Variants in CCDC93 observed in about 807,000 individuals in gnomAD.
CCDC93 encodes CCC complex scaffolding subunit CCDC93.
In CCDC93, 61 loss-of-function variants were observed where a neutral mutation model predicts 108.2. The observed-to-expected ratio is 0.56, with a 90% confidence interval of 0.46 to 0.70. The LOEUF (loss-of-function observed/expected upper bound fraction) is 0.70. Ranked by LOEUF, CCDC93 falls within the 30% of genes least tolerant of loss-of-function variation. The pLI is 0.00. For synonymous variants in CCDC93, 276 were observed against 260.4 expected (o/e 1.06, Z -0.58); for missense variants, 685 against 764.2 (o/e 0.90, Z 1.22).
chr2:117,945,533 T>C lies in CCDC93; in HGVS notation c.1346A>G (p.His449Arg), dbSNP rs1214780614. ...PPGTLTSAMTHDEDLDRRYNM... is the reference protein window; with the variant it reads ...PPGTLTSAMTRDEDLDRRYNM... ...CCTGAGCAGGCAGGTACTTACGTCA[T>C]GAGTCATTGCAGAGGTCAAGGTACC... The change falls in exon 17 of 24, where the codon CAT becomes CGT. Residue 449 changes from histidine (H) to arginine (R), a missense_variant. His to Arg is a conservative substitution (Grantham distance 29). Transcript: ENST00000376300. The C allele has an allele frequency of 5.0e-6, 8 of 1,613,764 alleles. No homozygotes were observed. Among genetic ancestry groups the C allele is most frequent in the Non-Finnish European group, 5.9e-6 (7 of 1,179,718 alleles).
intron 4 of CCDC93, chr2:117,996,621 T>C (rs1680659765): frequency 6.3e-6 from 2 of 315,332 alleles, no homozygotes; most frequent in African/African-American, 2.1e-5. Flanking sequence ...GCCTCAGTTT[T>C]CCTTTCTGTA....
rs1045663567 is a variant in CCDC93, at chr2:117,963,555, T to A, written c.889-5074A>T. On this transcript the variant is annotated intron_variant, in intron 11 of 23. Transcript: ENST00000376300. ...ACATGAATGCTCTTTTCAATATTTT[T>A]AAAACCCACTAATGAAATTCCATGA... 8.5e-5 allele frequency among the ~76,000 whole-genome samples: 13 copies of A among 152,336 alleles called. No individual in the cohort carries two copies. The South Asian group carries it at 2.1e-3, about 24-fold the overall frequency.
chr2:118,009,929 T>C (rs1172100878), intron 1 of CCDC93, among the ~76,000 whole-genome samples: 1 of 152,094 alleles, frequency 6.6e-6, no homozygotes, highest in Non-Finnish European at 1.5e-5. Flanking sequence ...TTTGTTGCTT[T>C]TGTTTTTGTT....
At chr2:117,925,367 T>C (rs557779067) in intron 23 of CCDC93, among the ~76,000 whole-genome samples, 2 of 152,130 alleles carry the variant, frequency 1.3e-5, no homozygotes, top group Admixed American at 6.5e-5. Context: ...GTGCTGTATT[T>C]AGGAAACCCA....
chr2:117,936,540 A>G, intron 21 of CCDC93, 162 bp downstream of exon 21: 1 of 683,630 alleles, frequency 1.5e-6, no homozygotes, highest in Non-Finnish European at 2.7e-6. Flanking sequence ...AGGAGAGTGT[A>G]AACAAGATAC....
rs1679851272 is a variant in CCDC93, at chr2:117,973,985, T to A, written c.811A>T (p.Thr271Ser). The A allele has an allele frequency of 1.2e-6, 2 of 1,609,062 alleles. No individual in the cohort carries two copies. The highest frequency in any genetic ancestry group is 4.5e-5 in the East Asian group (2 of 44,772). ...TAMANEESRL[T>S]ASSVGQIVGL... Reference sequence around the variant, plus strand: ...ACAATCTGGCCCACGGAGCTTGCGGTGAGACGGCTCTGCAAGTATATGGAG... The same window carrying A: ...ACAATCTGGCCCACGGAGCTTGCGGAGAGACGGCTCTGCAAGTATATGGAG... Residue 271 changes from threonine (T) to serine (S), a missense_variant, in exon 11 of 24, where the codon ACC becomes TCC. By Grantham distance (58) the Thr-to-Ser change is moderately conservative. Transcript: ENST00000376300.
chr2:117,929,515 A>T (rs1678251768), intron 23 of CCDC93, among the ~76,000 whole-genome samples: 1 of 152,210 alleles, frequency 6.6e-6, no homozygotes, highest in South Asian at 2.1e-4. Context: ...CAGGGCAAGA[A>T]TGAGCTTTTC....
At position 117,988,498 on chromosome 2, in the gene CCDC93, C is replaced by T. The variant is rs530189413; in HGVS notation, c.520-2429G>A. ...AAAGCTCCTGTGGGCCAGCCCATGC[C>T]CAACTCAACAGGAAGCGATACTTTC... On this transcript the variant is annotated intron_variant, in intron 6 of 23. Transcript: ENST00000376300. Among the ~76,000 whole-genome samples the T allele has an allele frequency of 7.9e-5, 12 of 152,316 alleles. No individual in the cohort carries two copies. In the South Asian group the frequency reaches 2.5e-3, roughly 32 times the overall value.
At chr2:117,994,009 G>A (rs974108995) in intron 6 of CCDC93, among the ~76,000 whole-genome samples, 15 of 152,208 alleles carry the variant, frequency 9.9e-5, no homozygotes, top group Non-Finnish European at 7.3e-5. Context: ...TGGGATTACA[G>A]GCGTGAGCCA....
At position 117,953,039 on chromosome 2, in the gene CCDC93, T is replaced by C. The variant is rs1236158375; in HGVS notation, c.1006-604A>G. 2.0e-5 allele frequency among the ~76,000 whole-genome samples: 3 copies of C among 152,240 alleles called. No homozygotes were observed. In the East Asian group the frequency reaches 5.8e-4, roughly 29 times the overall value. The stretch of plus-strand genomic sequence containing the variant: ...AATTCCCTTTCTCTTGCTAAAACAG[T>C]ATATCCTTGTGTCTATCAACTTTTA... On this transcript the variant is annotated intron_variant, in intron 12 of 23. Transcript: ENST00000376300.
intron 4 of CCDC93, chr2:117,996,581 G>A (rs1680658169): frequency 4.6e-6 from 2 of 435,948 alleles, no homozygotes; most frequent in Non-Finnish European, 8.4e-6. Flanking sequence ...AGCCGTGCAG[G>A]AGCTTTAAAG....
At chr2:117,960,924 T>C (rs1679371651) in intron 11 of CCDC93, among the ~76,000 whole-genome samples, 1 of 151,446 alleles carries the variant, frequency 6.6e-6, no homozygotes, top group Non-Finnish European at 1.5e-5. Context: ...TATGAATTAA[T>C]ACATGTTACT....
At chr2:117,992,257 T>G (rs1305154212) in intron 6 of CCDC93, among the ~76,000 whole-genome samples, 1 of 152,176 alleles carries the variant, frequency 6.6e-6, no homozygotes, top group African/African-American at 2.4e-5. Flanking sequence ...TTATTTATTG[T>G]TTTGAGACAG....
rs149995882 is a variant in CCDC93 at position 117,924,307 on chromosome 2, C to G, written c.1843-3911G>C. Among the ~76,000 whole-genome samples, 975 of 152,212 alleles carry G rather than the reference C, an allele frequency of 6.4e-3. 8 individuals carry two copies. The highest frequency in any genetic ancestry group is 0.021 in the African/African-American group (868 of 41,550). ...TGACTTTGATGAGTTGAGAGAAGAA[C>G]GCTTCAGACGATCAAACTACTCTGA... On this transcript the variant is annotated intron_variant, in intron 23 of 23. Transcript: ENST00000376300.
chr2:117,922,943 G>A (rs1677925349), intron 23 of CCDC93, among the ~76,000 whole-genome samples: 1 of 151,990 alleles, frequency 6.6e-6, no homozygotes, highest in Non-Finnish European at 1.5e-5. Context: ...AGAGCTTGTG[G>A]GAGAAAGATG....
intron 23 of CCDC93, among the ~76,000 whole-genome samples, chr2:117,929,028 C>A (rs1387237137): frequency 6.7e-6 from 1 of 150,132 alleles, no homozygotes; most frequent in Non-Finnish European, 1.5e-5. Context: ...CTAAACACCA[C>A]ATGTTTTCAC....
At chr2:117,993,118 C>G (rs752338940) in intron 6 of CCDC93, among the ~76,000 whole-genome samples, 1 of 152,068 alleles carries the variant, frequency 6.6e-6, no homozygotes, top group Admixed American at 6.5e-5. Context: ...ATGTTTGGGC[C>G]GGGCACTGTG....
At chr2:117,987,127 T>C (rs1421788908) in intron 6 of CCDC93, among the ~76,000 whole-genome samples, 2 of 151,820 alleles carry the variant, frequency 1.3e-5, no homozygotes, top group African/African-American at 4.8e-5. Flanking sequence ...ACAATGACAA[T>C]GTTGGCTTTT....
intron 7 of CCDC93, among the ~76,000 whole-genome samples, chr2:117,982,453 T>G (rs1291535056): frequency 6.6e-6 from 1 of 152,108 alleles, no homozygotes; most frequent in Non-Finnish European, 1.5e-5. Context: ...CAAACTATGT[T>G]TTTAACAGAT....
Sources: gnomAD v4.1 joint callset for allele counts (sites outside exome capture counted in the v4.1 genomes callset) on GRCh38, gnomAD v4.1.1 for gene constraint, MANE v1.5 for transcripts, NCBI Gene and HGNC (gene_info 2026-07-23, HGNC 2026-07-21) for gene names.